PRKG1: variants seen among roughly 807,000 people sequenced by gnomAD.
PRKG1 encodes protein kinase cGMP-dependent 1, also known as cGMP-dependent protein kinase 1.
Under a neutral mutation model 88.1 loss-of-function variants are expected in PRKG1, and 35 were observed. The ratio of observed to expected loss-of-function variants is 0.40; its 90% CI spans 0.30 to 0.53. The LOEUF (loss-of-function observed/expected upper bound fraction) is 0.53. PRKG1 is among the 20% of genes least tolerant of loss of function. PRKG1 has a pLI of 0.59. For missense variants in PRKG1, 540 were observed against 839.8 expected, an observed-to-expected ratio of 0.64 and a Z score of 4.41; for synonymous variants, 303 against 292.5, an observed-to-expected ratio of 1.04 and a Z score of -0.37.
chr10:51,664,727 A>T (rs184487756), intron 3 of PRKG1, among the ~76,000 whole-genome samples: 246 of 141,706 alleles, frequency 1.7e-3, no homozygotes, highest in African/African-American at 6.4e-3. Flanking sequence ...CATTGGAACC[A>T]AACCAATCTG....
chr10:52,019,760 ATTGCTTAAAG>A (rs1207950905), intron 5 of PRKG1, among the ~76,000 whole-genome samples: 2 of 152,176 alleles, frequency 1.3e-5, no homozygotes, highest in Admixed American at 6.6e-5. Flanking sequence ...ACTTCCTCAG[ATTGCTTAAAG>A]TTGCTTGCTG....
intron 2 of PRKG1, among the ~76,000 whole-genome samples, chr10:51,175,956 A>C (rs990860011): frequency 6.6e-6 from 1 of 152,162 alleles, no homozygotes; most frequent in African/African-American, 2.4e-5. Flanking sequence ...GTACCCAGAA[A>C]ATATTTATTG....
chr10:51,159,311 CA>C (rs1846302912), intron 2 of PRKG1, among the ~76,000 whole-genome samples: 1 of 152,102 alleles, frequency 6.6e-6, no homozygotes, highest in Admixed American at 6.6e-5. Context: ...GATTAGCTCT[CA>C]GTAAATTTAA....
chr10:52,000,393 C>T (rs1844564536), intron 5 of PRKG1, among the ~76,000 whole-genome samples: 1 of 151,934 alleles, frequency 6.6e-6, no homozygotes, highest in African/African-American at 2.4e-5. Context: ...TTTAATACTT[C>T]AAGGTGATAA....
chr10:51,361,204 C>T (rs914801407), intron 2 of PRKG1, among the ~76,000 whole-genome samples: 4 of 151,952 alleles, frequency 2.6e-5, no homozygotes, highest in African/African-American at 9.7e-5. Flanking sequence ...ACAGGTGCCA[C>T]TGCCACCACT....
intron 3 of PRKG1, among the ~76,000 whole-genome samples, chr10:51,644,225 T>A (rs546322056): frequency 1.6e-3 from 247 of 152,314 alleles, no homozygotes; most frequent in Middle Eastern, 0.01. Context: ...TTTCTGTAAG[T>A]CGGAAGTTGG....
intron 8 of PRKG1, among the ~76,000 whole-genome samples, chr10:52,134,376 G>A (rs948435770): frequency 6.6e-6 from 1 of 152,008 alleles, no homozygotes; most frequent in Non-Finnish European, 1.5e-5. Context: ...AGCATTTAGG[G>A]AAGAAACTTT....
chr10:51,503,881 T>A (rs1231688464), intron 3 of PRKG1, among the ~76,000 whole-genome samples: 3 of 152,172 alleles, frequency 2.0e-5, no homozygotes, highest in Non-Finnish European at 4.4e-5. Flanking sequence ...AAATCAGTTA[T>A]TTGAAAATGC....
chr10:51,249,252 AAT>A (rs143423825), intron 2 of PRKG1, among the ~76,000 whole-genome samples: 48 of 152,016 alleles, frequency 3.2e-4, no homozygotes, highest in Non-Finnish European at 6.0e-4. Context: ...AAATGTTAGT[AAT>A]GGGGTCATCC....
intron 2 of PRKG1, among the ~76,000 whole-genome samples, chr10:51,212,652 C>G (rs1838254665): frequency 6.6e-6 from 1 of 152,086 alleles, no homozygotes; most frequent in Non-Finnish European, 1.5e-5. Context: ...AAAAAGTGGG[C>G]AAAGGATATG....
intron 1 of PRKG1, among the ~76,000 whole-genome samples, chr10:51,078,055 C>T (rs1844007450): frequency 6.6e-6 from 1 of 152,120 alleles, no homozygotes; most frequent in South Asian, 2.1e-4. Flanking sequence ...ATCTAAACCC[C>T]TTATCTTTTG....
rs181198197 is a variant in PRKG1 at position 51,037,333 on chromosome 10, C to G, written c.266+45689C>G. ...AAAAATAAAAAATTAGTATGGCATC[C>G]TTGGGCATATTGCAGTCCCAGCTAC... On this transcript the variant is annotated intron_variant, in intron 1 of 17. Transcript: ENST00000401604. Among the ~76,000 whole-genome samples the G allele has an allele frequency of 3.3e-5, 5 of 151,840 alleles. No individual in the cohort carries two copies. The East Asian group carries it at 9.7e-4, about 29-fold the overall frequency.
At chr10:52,122,084 C>T (rs183953912) in intron 7 of PRKG1, among the ~76,000 whole-genome samples, 13 of 152,324 alleles carry the variant, frequency 8.5e-5, no homozygotes, top group African/African-American at 2.9e-4. Context: ...CTTTGAGACA[C>T]TGGGATGTCC....
At chr10:52,040,360 C>G (rs1271456804) in intron 5 of PRKG1, among the ~76,000 whole-genome samples, 2 of 152,154 alleles carry the variant, frequency 1.3e-5, no homozygotes, top group African/African-American at 4.8e-5. Context: ...ATTTCATAAT[C>G]TGTCGGGGCA....
chr10:51,303,158 G>A (rs575719879), intron 2 of PRKG1, among the ~76,000 whole-genome samples: 1 of 152,260 alleles, frequency 6.6e-6, no homozygotes, highest in South Asian at 2.1e-4. Flanking sequence ...GGACATAAAT[G>A]TAAGATATTA....
chr10:51,180,056 A>T (rs780075989), intron 2 of PRKG1, among the ~76,000 whole-genome samples: 6 of 152,174 alleles, frequency 3.9e-5, no homozygotes, highest in Non-Finnish European at 7.3e-5. Flanking sequence ...ATCTAATTCA[A>T]ATGAGACCAT....
intron 5 of PRKG1, among the ~76,000 whole-genome samples, chr10:52,008,182 T>C (rs1342543532): frequency 2.0e-5 from 3 of 151,950 alleles, no homozygotes; most frequent in African/African-American, 7.3e-5. Flanking sequence ...GTTAGAAAGA[T>C]CTCAAATTAA....
chr10:51,735,358 T>C (rs1837237621), intron 3 of PRKG1, among the ~76,000 whole-genome samples: 1 of 152,142 alleles, frequency 6.6e-6, no homozygotes, highest in African/African-American at 2.4e-5. Context: ...TGCATTAGGA[T>C]TTATTAACAA....
intron 4 of PRKG1, among the ~76,000 whole-genome samples, chr10:51,895,226 T>C (rs1748316610): frequency 6.6e-6 from 1 of 152,156 alleles, no homozygotes; most frequent in African/African-American, 2.4e-5. Flanking sequence ...CTGTTTTTCT[T>C]AGCAAGAGCA....
Sources: gnomAD v4.1 joint callset for allele counts (sites outside exome capture counted in the v4.1 genomes callset) on GRCh38, gnomAD v4.1.1 for gene constraint, MANE v1.5 for transcripts, NCBI Gene and HGNC (gene_info 2026-07-23, HGNC 2026-07-21) for gene names.